TNRC18: variants seen among roughly 807,000 people sequenced by gnomAD.
TNRC18 encodes trinucleotide repeat containing 18, also known as trinucleotide repeat-containing gene 18 protein.
TNRC18 carries 69 observed loss-of-function variants against 226.7 expected under a neutral mutation model. The ratio of observed to expected loss-of-function variants is 0.30; its 90% CI spans 0.25 to 0.37. The LOEUF is 0.37. Among genes scored for constraint, TNRC18 ranks in the 10% least tolerant of loss-of-function variants. TNRC18 has a pLI of 1.00. For synonymous variants in TNRC18, 2,449 were observed against 1,927.6 expected, an observed-to-expected ratio of 1.27 and a Z score of -7.09; for missense variants, 4,754 against 4,256.6, an observed-to-expected ratio of 1.12 and a Z score of -3.25.
At chr7:5,322,168 C>T (rs1788439765) in intron 21 of TNRC18, among the ~76,000 whole-genome samples, 2 of 151,814 alleles carry the variant, frequency 1.3e-5, no homozygotes, top group Admixed American at 1.3e-4. Flanking sequence ...GTCCCAGCTA[C>T]TTGGGAGGCT....
At position 5,377,946 on chromosome 7, in the gene TNRC18, T is replaced by G. The variant is rs910850541; in HGVS notation, c.2231A>C (p.Asp744Ala). The part of the protein sequence containing the change: ...REERLLGARL[D>A]RDQEKLLRES... ...CCTGAGCAGCTTCTCCTGATCCCGG[T>G]CCAGCCGTGCCCCGAGCAGCCGTTC... Residue 744 changes from aspartate (D) to alanine (A), a missense_variant, in exon 6 of 30, where the codon GAC becomes GCC. Asp to Ala is a moderately radical substitution (Grantham distance 126, BLOSUM62 -2). Transcript: ENST00000430969. This position sits in a 1 kb window ranked among gnomAD's most constrained non-coding sequence, Gnocchi z 5.8. The G allele has an allele frequency of 1.2e-6, 2 of 1,613,042 alleles. No individual in the cohort carries two copies. The highest frequency in any genetic ancestry group is 1.7e-6 in the Non-Finnish European group (2 of 1,179,726).
chr7:5,352,320 C>T (rs972801342), intron 16 of TNRC18, among the ~76,000 whole-genome samples: 31 of 152,274 alleles, frequency 2.0e-4, no homozygotes, highest in African/African-American at 4.6e-4. Flanking sequence ...TGGCATCTTC[C>T]GAGTGCTGGA....
At chr7:5,364,462 AACACACACACACACACACACACACACAC>A (rs58752853) in intron 11 of TNRC18, among the ~76,000 whole-genome samples, 3 of 116,638 alleles carry the variant, frequency 2.6e-5, no homozygotes, top group South Asian at 2.9e-4. Context: ...TCTCAAAGAA[AACACACACACACACACACACACACACAC>A]ACACACACAC....
chr7:5,331,639 T>C (rs1789532440), intron 19 of TNRC18, among the ~76,000 whole-genome samples: 1 of 152,134 alleles, frequency 6.6e-6, no homozygotes, highest in Admixed American at 6.6e-5. Flanking sequence ...AGTACAGCAC[T>C]AGCCGGGTGC....
At position 5,312,822 on chromosome 7, in the gene TNRC18, G is replaced by T. The variant is rs767803377; in HGVS notation, c.8069C>A (p.Thr2690Lys). 2.6e-6 allele frequency: 4 copies of T among 1,529,724 alleles called. No homozygotes were observed. Among genetic ancestry groups the T allele is most frequent in the Non-Finnish European group, 2.6e-6 (3 of 1,141,332 alleles). The allele number at this position is 1,529,724 out of a possible 1,614,324, so 94.8% of individuals were successfully genotyped here. The change falls in exon 27 of 30, where the codon ACG becomes AAG. Residue 2690 changes from threonine to lysine, a missense_variant. Physicochemically the swap from Thr to Lys is moderately conservative, Grantham distance 78. Coordinates refer to ENST00000430969, the MANE Select transcript of TNRC18 (RefSeq NM_001080495.3). This position sits in a 1 kb window ranked among gnomAD's most constrained non-coding sequence, Gnocchi z 6.3. ...CGCCGCCTGCGCGGAAGGGCCAGCC[G>T]TGGGGGCGGGGGCTGCCTCATCGTC... Reference protein sequence around the residue: ...SSDDEAAPAPTAGPSAQAALP... With the variant: ...SSDDEAAPAPKAGPSAQAALP...
At position 5,307,731 on chromosome 7, in the gene TNRC18, C is replaced by A; in HGVS notation, c.*375G>T. The A allele has an allele frequency of 2.9e-6, 1 of 346,442 alleles. No homozygotes were observed. The highest frequency in any genetic ancestry group is 2.3e-5 in the South Asian group (1 of 43,384). The allele number at this position is 346,442 out of a possible 1,614,324, so 21.5% of individuals were successfully genotyped here. A position where few individuals can be genotyped will look rare whatever the true frequency, so the allele number is the denominator to read the frequency against. ...GTTCCTTAGAAGCGCCCCTCCCCAC[C>A]GAATCCCCAGTCTGCATGGACCTGG... is the stretch of plus-strand genomic sequence containing the variant. On this transcript the variant is annotated 3_prime_UTR_variant, in exon 30 of 30. Coordinates refer to ENST00000430969, the MANE Select transcript of TNRC18 (RefSeq NM_001080495.3).
At chr7:5,411,831 T>C (rs1271747935) in intron 2 of TNRC18, among the ~76,000 whole-genome samples, 1 of 150,976 alleles carries the variant, frequency 6.6e-6, no homozygotes, top group Non-Finnish European at 1.5e-5. Context: ...GAAGGAAATC[T>C]CCAAAAAAAA....
At position 5,313,214 on chromosome 7, in the gene TNRC18, G is replaced by A; in HGVS notation, c.7677C>T (p.Ser2559=). 6.5e-7 allele frequency: 1 copy of A among 1,548,680 alleles called. No homozygotes were observed. Residue 2559 remains serine (S), a synonymous_variant, in exon 27 of 30, where the codon AGC becomes AGT. Transcript: ENST00000430969. Reference sequence around the variant, plus strand: ...TGCTGCCACTACTGCTGCTGCTGCTGCTCTCGGACTCTTCGGCCCCGTCCT... The same window carrying A: ...TGCTGCCACTACTGCTGCTGCTGCTACTCTCGGACTCTTCGGCCCCGTCCT... ...AEQDGAEESE[S]SSSSSSGSSS... is the part of the protein sequence containing the mutation.
chr7:5,335,004 T>C (rs1042997313), intron 18 of TNRC18, among the ~76,000 whole-genome samples: 2 of 151,934 alleles, frequency 1.3e-5, no homozygotes, highest in Admixed American at 1.3e-4. Flanking sequence ...CAGAAGAGAA[T>C]AGAAAGCGAG....
At chr7:5,415,185 G>T (rs1254072920) in intron 2 of TNRC18, among the ~76,000 whole-genome samples, 3 of 151,868 alleles carry the variant, frequency 2.0e-5, no homozygotes, top group Non-Finnish European at 1.5e-5. Context: ...TGCCAGCTCA[G>T]ATACGCCAGG....
intron 19 of TNRC18, among the ~76,000 whole-genome samples, chr7:5,327,972 A>G (rs1293454629): frequency 6.6e-6 from 1 of 152,186 alleles, no homozygotes; most frequent in African/African-American, 2.4e-5. Context: ...CTGTAATCCC[A>G]GCACTTCGGG....
chr7:5,358,035 G>A (rs1583899498), intron 15 of TNRC18, among the ~76,000 whole-genome samples: 1 of 152,142 alleles, frequency 6.6e-6, no homozygotes, highest in Non-Finnish European at 1.5e-5. Flanking sequence ...CCGGATTAAG[G>A]GAGGAGGAAA....
In TNRC18 at chr7:5,394,594, G is replaced by C; in HGVS notation, c.189C>G (p.Gly63=). 6.5e-7 allele frequency: 1 copy of C among 1,544,264 alleles called. No homozygotes were observed. Among genetic ancestry groups the C allele is most frequent in the African/African-American group, 1.4e-5 (1 of 72,352 alleles). ...MAGLNLHPHP[G]EAFLGSFVAS... is the part of the protein sequence containing the mutation. Reference sequence around the variant, plus strand: ...CCACAAAGCTGCCCAAGAAGGCCTCGCCTGCAGAGAGAAGTTGGGAGGACC... The same window carrying C: ...CCACAAAGCTGCCCAAGAAGGCCTCCCCTGCAGAGAGAAGTTGGGAGGACC... The change falls in exon 3 of 30, where the codon GGC becomes GGG. Residue 63 remains glycine, a splice_region_variant and synonymous_variant. Coordinates refer to ENST00000430969, the MANE Select transcript of TNRC18 (RefSeq NM_001080495.3). This position sits in a 1 kb window ranked among gnomAD's most constrained non-coding sequence, Gnocchi z 4.5.
chr7:5,394,512 C>A lies in TNRC18; in HGVS notation c.271G>T (p.Asp91Tyr). 6.4e-7 allele frequency: 1 copy of A among 1,557,536 alleles called. No individual in the cohort carries two copies. Residue 91 changes from aspartate to tyrosine, a missense_variant, in exon 3 of 30, where the codon GAC becomes TAC. Physicochemically the swap from Asp to Tyr is radical, Grantham distance 160. Transcript: ENST00000430969. This position sits in a 1 kb window ranked among gnomAD's most constrained non-coding sequence, Gnocchi z 4.5. ...SHGSPVPLPS[D>Y]LSFRSPTPSN... ...GGGGTTGGGGAGCGGAAAGACAGGT[C>A]AGAGGGCAGTGGCACTGGGCTCCCA...
At chr7:5,401,854 A>T (rs62443192) in intron 2 of TNRC18, among the ~76,000 whole-genome samples, 43,651 of 151,976 alleles carry the variant, frequency 0.29, 7,082 homozygotes, top group Non-Finnish European at 0.34. Context: ...TTGGAAGGCC[A>T]AAGTGGGAGG....
chr7:5,379,589 G>C (rs1338084522), intron 5 of TNRC18, among the ~76,000 whole-genome samples: 3 of 152,158 alleles, frequency 2.0e-5, no homozygotes, highest in Non-Finnish European at 4.4e-5. Flanking sequence ...GACAGGGAGC[G>C]GCGGAGTGGC....
At chr7:5,374,876 T>C (rs1794500372) in intron 9 of TNRC18, among the ~76,000 whole-genome samples, 2 of 152,230 alleles carry the variant, frequency 1.3e-5, no homozygotes, top group Admixed American at 6.5e-5. Context: ...TAAACCTTCC[T>C]GCTTCACTGC....
chr7:5,346,557 C>T (rs1791218729), intron 17 of TNRC18, among the ~76,000 whole-genome samples: 2 of 152,098 alleles, frequency 1.3e-5, no homozygotes, highest in African/African-American at 4.8e-5. Context: ...GCCTGTAATC[C>T]CAACACTTTG....
At chr7:5,413,630 A>G (rs1781980024) in intron 2 of TNRC18, among the ~76,000 whole-genome samples, 1 of 152,196 alleles carries the variant, frequency 6.6e-6, no homozygotes, top group African/African-American at 2.4e-5. Context: ...CTGGGGCTCA[A>G]GCAATCCTCC....
Sources: allele counts gnomAD v4.1 joint callset (sites outside exome capture counted in the v4.1 genomes callset), GRCh38; gene constraint gnomAD v4.1.1; non-coding constraint Gnocchi (gnomAD v3.1); transcripts MANE v1.5; gene names NCBI Gene and HGNC (gene_info 2026-07-23, HGNC 2026-07-21).